The following PKIA variants were observed in gnomAD, a reference collection of about 807,000 sequenced individuals.
The protein encoded by PKIA is PKI-alpha.
In PKIA, 4 loss-of-function variants were observed where a neutral mutation model predicts 7.6. The ratio of observed to expected loss-of-function variants is 0.52; its 90% CI spans 0.26 to 1.20. PKIA has a LOEUF of 1.20. Among genes scored for constraint, PKIA ranks in the 50% most tolerant of loss-of-function variants. The pLI is 0.13. For synonymous variants in PKIA, 21 were observed against 30.7 expected (o/e 0.68, Z 1.04); for missense variants, 73 against 86.2 (o/e 0.85, Z 0.61).
At chr8:78,548,084 G>C (rs1563574991) in intron 1 of PKIA, among the ~76,000 whole-genome samples, 1 of 151,952 alleles carries the variant, frequency 6.6e-6, no homozygotes, top group Non-Finnish European at 1.5e-5. Flanking sequence ...AAAAATATTA[G>C]AATAACAGTA....
chr8:78,523,853 A>T (rs1809463585), intron 1 of PKIA, among the ~76,000 whole-genome samples: 1 of 146,694 alleles, frequency 6.8e-6, no homozygotes, highest in African/African-American at 2.5e-5. Flanking sequence ...ACAATTTAGG[A>T]AAGGAACATT....
At chr8:78,576,816 A>G (rs1807684241) in intron 2 of PKIA, among the ~76,000 whole-genome samples, 2 of 151,988 alleles carry the variant, frequency 1.3e-5, no homozygotes, top group African/African-American at 4.8e-5. Flanking sequence ...AGACCCAACA[A>G]TCACATTACT....
At chr8:78,589,113 G>A (rs1039085177) in intron 2 of PKIA, among the ~76,000 whole-genome samples, 1 of 152,064 alleles carries the variant, frequency 6.6e-6, no homozygotes, top group African/African-American at 2.4e-5. Flanking sequence ...ATTAATAATG[G>A]TGGGCAAAAG....
At chr8:78,544,856 GAT>G in intron 1 of PKIA, among the ~76,000 whole-genome samples, 1 of 152,190 alleles carries the variant, frequency 6.6e-6, no homozygotes, top group African/African-American at 2.4e-5. Context: ...AGGAAAAAAA[GAT>G]ATATTTATTA....
intron 1 of PKIA, among the ~76,000 whole-genome samples, chr8:78,544,175 G>A (rs950455144): frequency 2.0e-5 from 3 of 152,010 alleles, no homozygotes; most frequent in East Asian, 1.9e-4. Context: ...CTTCTACCTC[G>A]TGGCAAACAA....
At chr8:78,584,873 T>G (rs905722100) in intron 2 of PKIA, among the ~76,000 whole-genome samples, 3 of 152,044 alleles carry the variant, frequency 2.0e-5, no homozygotes, top group Admixed American at 2.0e-4. Context: ...CTTCCTCAGA[T>G]GGATTGGTTT....
intron 1 of PKIA, among the ~76,000 whole-genome samples, chr8:78,549,779 A>C (rs1330902842): frequency 6.6e-6 from 1 of 151,854 alleles, no homozygotes; most frequent in Non-Finnish European, 1.5e-5. Context: ...CGATTACTTG[A>C]GCCTACTCAG....
At chr8:78,539,333 T>C (rs1806614849) in intron 1 of PKIA, among the ~76,000 whole-genome samples, 2 of 152,028 alleles carry the variant, frequency 1.3e-5, no homozygotes, top group Non-Finnish European at 2.9e-5. Flanking sequence ...GAAATGGCAG[T>C]TGCATAAAAC....
chr8:78,560,583 T>C (rs1309924495), intron 1 of PKIA, among the ~76,000 whole-genome samples: 2 of 152,162 alleles, frequency 1.3e-5, no homozygotes, highest in African/African-American at 4.8e-5. Flanking sequence ...TTACTAATAT[T>C]GGGACTCAAT....
intron 1 of PKIA, among the ~76,000 whole-genome samples, chr8:78,523,972 A>G (rs751392570): frequency 5.8e-5 from 6 of 102,906 alleles, no homozygotes; most frequent in African/African-American, 8.6e-5. Flanking sequence ...ATATATAAAC[A>G]TTTATATTTA....
At chr8:78,585,962 C>T (rs1807941299) in intron 2 of PKIA, among the ~76,000 whole-genome samples, 1 of 152,128 alleles carries the variant, frequency 6.6e-6, no homozygotes, top group Non-Finnish European at 1.5e-5. Context: ...CTCATTTATC[C>T]AAGTTAGAAA....
intron 1 of PKIA, among the ~76,000 whole-genome samples, chr8:78,523,961 A>AATATATATTTATATTTATAAAT (rs1217986707): frequency 4.7e-5 from 5 of 107,132 alleles, no homozygotes; most frequent in African/African-American, 1.8e-4. Context: ...TTTATATATA[A>AATATATATTTATATTTATAAAT]ATATATAAAC....
chr8:78,562,573 A>C (rs942342328), intron 1 of PKIA, among the ~76,000 whole-genome samples: 1 of 152,146 alleles, frequency 6.6e-6, no homozygotes, highest in Non-Finnish European at 1.5e-5. Context: ...GGGATGCAGC[A>C]AGCTTGTAGC....
At chr8:78,540,379 T>C (rs2118408262) in intron 1 of PKIA, among the ~76,000 whole-genome samples, 1 of 152,122 alleles carries the variant, frequency 6.6e-6, no homozygotes, top group Middle Eastern at 3.4e-3. Flanking sequence ...CTATTTTGGA[T>C]GGTAGTATTT....
intron 1 of PKIA, among the ~76,000 whole-genome samples, chr8:78,531,851 A>G (rs554950667): frequency 6.6e-6 from 1 of 152,138 alleles, no homozygotes; most frequent in South Asian, 2.1e-4. Flanking sequence ...ATGGTGTGCT[A>G]TAATTTATAA....
chr8:78,519,857 C>T (rs185143308), intron 1 of PKIA, among the ~76,000 whole-genome samples: 1 of 152,246 alleles, frequency 6.6e-6, no homozygotes, highest in African/African-American at 2.4e-5. Context: ...GTTAGCCCAT[C>T]CTCTTACATG....
intron 1 of PKIA, among the ~76,000 whole-genome samples, chr8:78,517,660 G>T (rs1416805523): frequency 1.3e-5 from 2 of 152,134 alleles, no homozygotes; most frequent in Non-Finnish European, 2.9e-5. Context: ...CTTGCCATTT[G>T]CAGGTTCCTA....
chr8:78,564,300 T>A (rs1807355749), intron 1 of PKIA, among the ~76,000 whole-genome samples: 1 of 152,040 alleles, frequency 6.6e-6, no homozygotes, highest in African/African-American at 2.4e-5. Flanking sequence ...TTTATTGGAA[T>A]ACAGATGTGC....
Position 78,604,031 on chromosome 8 carries a change from T to A in PKIA, c.*2210T>A, listed in dbSNP as rs1395025892. 6.6e-6 allele frequency: 1 copy of A among 151,992 alleles called. No homozygotes were observed. Among genetic ancestry groups the A allele is most frequent in the African/African-American group, 2.4e-5 (1 of 41,406 alleles). 9.4% of individuals were successfully genotyped at this position (151,992 alleles called of 1,614,324 possible). A position where few individuals can be genotyped will look rare whatever the true frequency, so the allele number is the denominator to read the frequency against. On this transcript the variant is annotated 3_prime_UTR_variant, in exon 4 of 4. Transcript: ENST00000396418. ...ATTCCCAAGCTAGGGAGATAAAAAT[T>A]AATTTTCTAAAATGTCCACATCCTA...
Sources: gnomAD v4.1 joint callset for allele counts (sites outside exome capture counted in the v4.1 genomes callset) on GRCh38, gnomAD v4.1.1 for gene constraint, MANE v1.5 for transcripts, NCBI Gene and HGNC (gene_info 2026-07-23, HGNC 2026-07-21) for gene names.